Variants in GLG1 observed in about 807,000 individuals in gnomAD.
GLG1 encodes the protein Golgi apparatus protein 1.
In GLG1, 38 loss-of-function variants were observed where a neutral mutation model predicts 160.5. The ratio of observed to expected loss-of-function variants is 0.24; its 90% CI spans 0.18 to 0.31. GLG1 has a LOEUF of 0.31. GLG1 is among the 10% of genes least tolerant of loss of function. The pLI is 1.00. For missense variants in GLG1, 1,373 were observed against 1,505.2 expected, an observed-to-expected ratio of 0.91 and a Z score of 1.45; for synonymous variants, 644 against 543.4, an observed-to-expected ratio of 1.19 and a Z score of -2.57.
At chr16:74,490,974 A>T in intron 8 of GLG1, 27 bp downstream of exon 8, 1 of 1,525,924 alleles carries the variant, frequency 6.6e-7, no homozygotes, top group Non-Finnish European at 9.1e-7. Flanking sequence ...TGTGACATTC[A>T]AAATGGCAAT....
intron 1 of GLG1, among the ~76,000 whole-genome samples, chr16:74,597,088 C>A (rs1958322992): frequency 6.6e-6 from 1 of 151,856 alleles, no homozygotes; most frequent in Non-Finnish European, 1.5e-5. Context: ...CACTGCACTG[C>A]AGCCTGGGCA....
chr16:74,606,538 C>A (rs1958570570), intron 1 of GLG1, 119 bp downstream of exon 1: 2 of 787,530 alleles, frequency 2.5e-6, no homozygotes. Flanking sequence ...AGGGAAGGAG[C>A]GAGTGCAGCA....
intron 22 of GLG1, among the ~76,000 whole-genome samples, chr16:74,460,650 C>CA (rs1017384350): frequency 5.3e-5 from 8 of 152,192 alleles, no homozygotes; most frequent in Admixed American, 2.0e-4. Flanking sequence ...GGGCTCATCA[C>CA]AAACAGTTTC....
chr16:74,569,536 T>C (rs2018761421), intron 1 of GLG1, among the ~76,000 whole-genome samples: 1 of 152,154 alleles, frequency 6.6e-6, no homozygotes, highest in Non-Finnish European at 1.5e-5. Flanking sequence ...CTTATCATTA[T>C]TTCTAGTTCT....
intron 2 of GLG1, among the ~76,000 whole-genome samples, chr16:74,529,824 T>TG (rs1472017191): frequency 7.1e-6 from 1 of 141,706 alleles, no homozygotes; most frequent in East Asian, 2.0e-4. Context: ...TTTTTTTTTT[T>TG]TTTTTTTTTT....
At chr16:74,454,175 G>C (rs555850189) in intron 25 of GLG1, among the ~76,000 whole-genome samples, 1 of 151,836 alleles carries the variant, frequency 6.6e-6, no homozygotes, top group Non-Finnish European at 1.5e-5. Flanking sequence ...GCCCGGCCTT[G>C]TAAATTCTAT....
intron 4 of GLG1, 64 bp from the exon 5 acceptor site, chr16:74,496,708 T>G (rs1389061410): frequency 1.2e-6 from 1 of 809,586 alleles, no homozygotes; most frequent in Non-Finnish European, 2.1e-6. Flanking sequence ...TAAACAACAT[T>G]TGGCTACACA....
chr16:74,523,269 G>C (rs2017229369), intron 2 of GLG1, among the ~76,000 whole-genome samples: 1 of 152,130 alleles, frequency 6.6e-6, no homozygotes, highest in African/African-American at 2.4e-5. Flanking sequence ...GATTTTCCAT[G>C]AATGGCATAC....
At chr16:74,460,117 G>A (rs1348187527) in intron 22 of GLG1, among the ~76,000 whole-genome samples, 1 of 151,554 alleles carries the variant, frequency 6.6e-6, no homozygotes. Flanking sequence ...TGCCTCTCAT[G>A]TTCAAGTGAT....
At chr16:74,553,201 C>T (rs1167591478) in intron 1 of GLG1, among the ~76,000 whole-genome samples, 1 of 143,398 alleles carries the variant, frequency 7.0e-6, no homozygotes, top group East Asian at 2.1e-4. Context: ...ACCTGGGCAA[C>T]AAGAGCAAAC....
chr16:74,533,275 C>T (rs2017596478), intron 1 of GLG1, among the ~76,000 whole-genome samples: 1 of 152,080 alleles, frequency 6.6e-6, no homozygotes, highest in Non-Finnish European at 1.5e-5. Context: ...GAACCGAGAT[C>T]GCACCACTGC....
At chr16:74,534,769 CA>C (rs1567508858) in intron 1 of GLG1, among the ~76,000 whole-genome samples, 1 of 152,078 alleles carries the variant, frequency 6.6e-6, no homozygotes. Context: ...TGACGTTGAG[CA>C]AATCAAGATA....
chr16:74,473,500 C>T (rs1422483692), intron 13 of GLG1, among the ~76,000 whole-genome samples: 3 of 121,490 alleles, frequency 2.5e-5, no homozygotes, highest in South Asian at 5.5e-4. Flanking sequence ...AGTGCAGTGG[C>T]GTGATCTCGG....
intron 1 of GLG1, among the ~76,000 whole-genome samples, chr16:74,539,468 A>T (rs1280555910): frequency 2.0e-5 from 3 of 148,246 alleles, no homozygotes; most frequent in African/African-American, 7.4e-5. Flanking sequence ...TTAAAATGAA[A>T]AATCTCCTCA....
chr16:74,496,766 C>A, intron 4 of GLG1, 122 bp from the exon 5 acceptor site: 1 of 673,958 alleles, frequency 1.5e-6, no homozygotes, highest in Non-Finnish European at 2.6e-6. Flanking sequence ...AAAACCCCAT[C>A]ATAGAGTTGA....
intron 1 of GLG1, among the ~76,000 whole-genome samples, chr16:74,576,556 T>C (rs1200464933): frequency 1.3e-5 from 2 of 152,210 alleles, no homozygotes; most frequent in African/African-American, 2.4e-5. Flanking sequence ...TTTAAAATTA[T>C]AAAAACCATT....
chr16:74,479,221 A>G (rs1215710356), intron 11 of GLG1, among the ~76,000 whole-genome samples: 2 of 132,704 alleles, frequency 1.5e-5, no homozygotes, highest in Admixed American at 1.6e-4. Flanking sequence ...GACACATTCA[A>G]GAGTGAGGCT....
intron 2 of GLG1, among the ~76,000 whole-genome samples, chr16:74,515,984 C>T (rs1346099777): frequency 6.6e-6 from 1 of 151,382 alleles, no homozygotes; most frequent in East Asian, 1.9e-4. Flanking sequence ...GTAAAGGGAT[C>T]AATTCAACAA....
intron 1 of GLG1, among the ~76,000 whole-genome samples, chr16:74,566,811 A>G (rs892491849): frequency 2.0e-5 from 3 of 152,188 alleles, no homozygotes; most frequent in Non-Finnish European, 2.9e-5. Flanking sequence ...AGAAGATACA[A>G]CAAATTTTTT....
Sources: allele counts gnomAD v4.1 joint callset (sites outside exome capture counted in the v4.1 genomes callset), GRCh38; gene constraint gnomAD v4.1.1; transcripts MANE v1.5; gene names NCBI Gene and HGNC (gene_info 2026-07-23, HGNC 2026-07-21).